TMTC2: variants seen among roughly 807,000 people sequenced by gnomAD.
TMTC2 encodes the protein protein O-mannosyl-transferase TMTC2.
In TMTC2, 43 loss-of-function variants were observed where a neutral mutation model predicts 82.4. The ratio of observed to expected loss-of-function variants is 0.52; its 90% CI spans 0.41 to 0.67. The LOEUF (loss-of-function observed/expected upper bound fraction) is 0.67, where lower values mean the gene tolerates loss of function less well. Among genes scored for constraint, TMTC2 ranks in the 30% least tolerant of loss-of-function variants. The probability of loss-of-function intolerance (pLI) is 0.00; values close to 1 mark genes in which losing one functional copy is unlikely to be tolerated. For missense variants in TMTC2, 919 were observed against 1,012.4 expected, an observed-to-expected ratio of 0.91 and a Z score of 1.25; for synonymous variants, 408 against 381.9, an observed-to-expected ratio of 1.07 and a Z score of -0.80.
chr12:82,968,415 T>G (rs962673219), intron 7 of TMTC2, among the ~76,000 whole-genome samples: 3 of 152,192 alleles, frequency 2.0e-5, no homozygotes, highest in African/African-American at 7.2e-5. Flanking sequence ...ATGAGTTGAA[T>G]TAACTTTTTT....
chr12:83,013,357 ATTTAAGTGGCCCTT>A (rs1880542867), intron 8 of TMTC2, among the ~76,000 whole-genome samples: 2 of 152,210 alleles, frequency 1.3e-5, no homozygotes, highest in South Asian at 4.1e-4. Context: ...GATATGATTT[ATTTAAGTGGCCCTT>A]CTTTAGGCAC....
intron 7 of TMTC2, among the ~76,000 whole-genome samples, chr12:82,983,432 A>T (rs1319799443): frequency 1.3e-5 from 2 of 152,006 alleles, no homozygotes; most frequent in East Asian, 3.8e-4. Flanking sequence ...GTCATTAATT[A>T]TTGAGCAAAT....
At chr12:82,975,733 G>C (rs1224350688) in intron 7 of TMTC2, among the ~76,000 whole-genome samples, 3 of 30,302 alleles carry the variant, frequency 9.9e-5, no homozygotes, top group Admixed American at 1.1e-3. Flanking sequence ...AGTTGAAAAG[G>C]CTTCCATTAC....
At chr12:83,115,752 G>T (rs1884734217) in intron 11 of TMTC2, among the ~76,000 whole-genome samples, 1 of 151,968 alleles carries the variant, frequency 6.6e-6, no homozygotes, top group South Asian at 2.1e-4. Flanking sequence ...CCATCACCCG[G>T]GCAGTATACA....
In TMTC2 at chr12:82,764,801, A is replaced by G. The variant is rs529357682; in HGVS notation, c.83+77132A>G. 5.9e-5 allele frequency among the ~76,000 whole-genome samples: 9 copies of G among 151,848 alleles called. No homozygotes were observed. In the East Asian group the frequency reaches 1.4e-3, roughly 23 times the overall value. Reference sequence around the variant, plus strand: ...TTTCATGTAAGAGGGGGGTAGGGAAAAATACTCATTCATGCCTTTGGCTCA... The same window carrying G: ...TTTCATGTAAGAGGGGGGTAGGGAAGAATACTCATTCATGCCTTTGGCTCA... On this transcript the variant is annotated intron_variant, in intron 1 of 11. Transcript: ENST00000321196.
intron 2 of TMTC2, among the ~76,000 whole-genome samples, chr12:82,875,899 TAAAAAAAAAAA>T (rs781413116): frequency 8.8e-6 from 1 of 113,582 alleles, no homozygotes; most frequent in Non-Finnish European, 1.9e-5. Context: ...AGCTCACGCT[TAAAAAAAAAAA>T]AAAAAAAAAA....
At chr12:83,104,964 T>C (rs1448076496) in intron 11 of TMTC2, among the ~76,000 whole-genome samples, 1 of 152,208 alleles carries the variant, frequency 6.6e-6, no homozygotes, top group African/African-American at 2.4e-5. Flanking sequence ...GCCAGACCAC[T>C]GCTTGAACAC....
chr12:82,737,844 T>C (rs186234072), intron 1 of TMTC2, among the ~76,000 whole-genome samples: 33 of 152,306 alleles, frequency 2.2e-4, no homozygotes, highest in African/African-American at 7.9e-4. Flanking sequence ...TCTAATGCTG[T>C]TTCTAATGCC....
intron 11 of TMTC2, among the ~76,000 whole-genome samples, chr12:83,084,349 C>T (rs1251796990): frequency 6.6e-6 from 1 of 152,058 alleles, no homozygotes; most frequent in Non-Finnish European, 1.5e-5. Flanking sequence ...TTTTTTATCC[C>T]CCCTATTATA....
At chr12:82,806,662 AG>A (rs1879255689) in intron 1 of TMTC2, among the ~76,000 whole-genome samples, 1 of 152,174 alleles carries the variant, frequency 6.6e-6, no homozygotes, top group Non-Finnish European at 1.5e-5. Flanking sequence ...GTTTTCTTAC[AG>A]TAAAGTAAGT....
intron 1 of TMTC2, among the ~76,000 whole-genome samples, chr12:82,777,549 T>A (rs1442924590): frequency 6.6e-6 from 1 of 152,162 alleles, no homozygotes; most frequent in Non-Finnish European, 1.5e-5. Context: ...TTTTATGTGT[T>A]CAAATCTAAG....
chr12:83,109,169 C>T (rs1884514655), intron 11 of TMTC2, among the ~76,000 whole-genome samples: 1 of 152,148 alleles, frequency 6.6e-6, no homozygotes, highest in Non-Finnish European at 1.5e-5. Flanking sequence ...AATTGGCTCA[C>T]AGTTTCACAG....
At chr12:83,111,567 G>A (rs932630709) in intron 11 of TMTC2, among the ~76,000 whole-genome samples, 1 of 152,138 alleles carries the variant, frequency 6.6e-6, no homozygotes, top group African/African-American at 2.4e-5. Flanking sequence ...TCTCCCATAT[G>A]TTCTGTAAAC....
chr12:82,899,457 T>C (rs754440451), intron 3 of TMTC2, among the ~76,000 whole-genome samples: 2 of 151,148 alleles, frequency 1.3e-5, no homozygotes, highest in Non-Finnish European at 2.9e-5. Flanking sequence ...GGCCACTTTT[T>C]ACCACCATCA....
chr12:83,102,374 T>A (rs79653391), intron 11 of TMTC2, among the ~76,000 whole-genome samples: 5,037 of 152,294 alleles, frequency 0.033, 118 homozygotes, highest in Non-Finnish European at 0.051. Flanking sequence ...GAGAGGATAG[T>A]CAAAGGAAGG....
chr12:82,849,071 T>TGGTTGCATGCGAG (rs1427769858), intron 1 of TMTC2, among the ~76,000 whole-genome samples: 2 of 151,996 alleles, frequency 1.3e-5, no homozygotes, highest in East Asian at 3.9e-4. Flanking sequence ...ATGCGAGCTG[T>TGGTTGCATGCGAG]GAAGGTTGTT....
At position 82,860,037 on chromosome 12, in the gene TMTC2, G is replaced by A. The variant is rs544419260; in HGVS notation, c.654+2457G>A. Among the ~76,000 whole-genome samples the A allele has an allele frequency of 2.4e-3, 368 of 152,138 alleles. 1 individual carries two copies. The highest frequency in any genetic ancestry group is 8.5e-3 in the African/African-American group (353 of 41,518). On this transcript the variant is annotated intron_variant, in intron 2 of 11. Coordinates refer to ENST00000321196, the MANE Select transcript of TMTC2 (RefSeq NM_152588.3). ...CGCCTAGGCTGGAGTGCAGTGGCAC[G>A]ATCTCAGCTCACTGCAACCTCTGCC...
chr12:82,999,381 TATC>T (rs1456275861), intron 8 of TMTC2, among the ~76,000 whole-genome samples: 1 of 152,252 alleles, frequency 6.6e-6, no homozygotes, highest in Admixed American at 6.5e-5. Context: ...CGATGTGACT[TATC>T]ATTGTTTATG....
chr12:82,911,742 C>T (rs1874674007), intron 3 of TMTC2, among the ~76,000 whole-genome samples: 1 of 152,012 alleles, frequency 6.6e-6, no homozygotes, highest in South Asian at 2.1e-4. Context: ...GCTGGAATTA[C>T]AGGTGTGCGC....
Sources: gnomAD v4.1 joint callset for allele counts (sites outside exome capture counted in the v4.1 genomes callset) on GRCh38, gnomAD v4.1.1 for gene constraint, MANE v1.5 for transcripts, NCBI Gene and HGNC (gene_info 2026-07-23, HGNC 2026-07-21) for gene names.